The following CHST3 variants were observed in gnomAD, a reference collection of about 807,000 sequenced individuals.
The protein encoded by CHST3 is C6ST-1.
A neutral mutation model predicts 35.4 loss-of-function variants in CHST3; 20 were observed. The observed-to-expected ratio is 0.57, with a 90% CI of 0.40 to 0.82. The LOEUF (loss-of-function observed/expected upper bound fraction) is 0.82, where lower values mean the gene tolerates loss of function less well. Ranked by LOEUF, CHST3 falls within the 40% of genes least tolerant of loss-of-function variation. The pLI is 0.00. For missense variants in CHST3, 693 were observed against 670.1 expected, an observed-to-expected ratio of 1.03 and a Z score of -0.38; for synonymous variants, 334 against 295.9, an observed-to-expected ratio of 1.13 and a Z score of -1.32.
chr10:71,966,196 T>C (rs1006062426), intron 1 of CHST3, among the ~76,000 whole-genome samples: 10 of 151,900 alleles, frequency 6.6e-5, no homozygotes, highest in African/African-American at 9.7e-5. Flanking sequence ...ACATGTAGAA[T>C]TTGGGGGCAG....
chr10:71,998,887 C>T (rs774003838), intron 1 of CHST3, among the ~76,000 whole-genome samples: 10 of 151,338 alleles, frequency 6.6e-5, no homozygotes, highest in African/African-American at 1.7e-4. Flanking sequence ...CCCATAGCCC[C>T]GGGGCTATAC....
chr10:71,994,076 G>T (rs1049952322), intron 1 of CHST3, among the ~76,000 whole-genome samples: 12 of 151,964 alleles, frequency 7.9e-5, no homozygotes, highest in African/African-American at 2.9e-4. Context: ...CTCCAGCCTG[G>T]GTGACAAAGC....
intron 1 of CHST3, among the ~76,000 whole-genome samples, chr10:71,978,585 G>C (rs1839769736): frequency 6.6e-6 from 1 of 152,188 alleles, no homozygotes; most frequent in Non-Finnish European, 1.5e-5. Context: ...TTTACTATGT[G>C]CAAGGCATTG....
intron 1 of CHST3, among the ~76,000 whole-genome samples, chr10:71,982,885 T>G (rs977364180): frequency 3.9e-5 from 6 of 152,260 alleles, no homozygotes; most frequent in African/African-American, 1.2e-4. Context: ...GGCAGTCACC[T>G]GGGCTCACCC....
At chr10:72,000,384 A>G (rs560451807) in intron 1 of CHST3, among the ~76,000 whole-genome samples, 3 of 152,286 alleles carry the variant, frequency 2.0e-5, no homozygotes, top group Non-Finnish European at 4.4e-5. Context: ...CAGCAAGTGC[A>G]TTTCCATCTA....
rs1840120405 is a variant in CHST3, at chr10:72,012,371, A to G, written c.*3900A>G. On this transcript the variant is annotated 3_prime_UTR_variant, in exon 3 of 3. Transcript: ENST00000373115. ...CTAGGGCCTATTGACCGTAGAGGCC[A>G]GGTGCGGTGGCTCATACCTGTAATC... is the stretch of plus-strand genomic sequence containing the variant. The G allele has an allele frequency of 6.6e-6, 1 of 152,346 alleles. No homozygotes were observed. Among genetic ancestry groups the G allele is most frequent in the African/African-American group, 2.4e-5 (1 of 41,464 alleles). The allele number at this position is 152,346 out of a possible 1,614,324, so 9.4% of individuals were successfully genotyped here.
intron 2 of CHST3, among the ~76,000 whole-genome samples, chr10:72,006,332 G>A (rs558196408): frequency 6.6e-6 from 1 of 152,344 alleles, no homozygotes; most frequent in East Asian, 1.9e-4. Flanking sequence ...ATGAGAAAAT[G>A]TAAAAGCATT....
Position 72,007,924 on chromosome 10 carries a change from A to C in CHST3, c.893A>C (p.Gln298Pro), listed in dbSNP as rs1312011289. Residue 298 changes from glutamine (Q) to proline (P), a missense_variant, in exon 3 of 3, where the codon CAG (glutamine) becomes CCG (proline). Gln to Pro is a moderately conservative substitution (Grantham distance 76). Coordinates refer to ENST00000373115, the MANE Select transcript of CHST3 (RefSeq NM_004273.5). Reference sequence around the variant, plus strand: ...CCCCGCCTGGACCTGCGCGTCATCCAGCTGGTGCGCGACCCCCGGGCCGTG... The same window carrying C: ...CCCCGCCTGGACCTGCGCGTCATCCCGCTGGTGCGCGACCCCCGGGCCGTG... Reference protein sequence around the residue: ...EDPRLDLRVIQLVRDPRAVLA... With the variant: ...EDPRLDLRVIPLVRDPRAVLA... The C allele has an allele frequency of 1.3e-6, 2 of 1,555,938 alleles. No individual in the cohort carries two copies. The highest frequency in any genetic ancestry group is 1.4e-5 in the African/African-American group (1 of 73,352).
At chr10:71,969,692 G>A (rs1413062731) in intron 1 of CHST3, among the ~76,000 whole-genome samples, 1 of 152,190 alleles carries the variant, frequency 6.6e-6, no homozygotes. Context: ...ACTGGGTGTG[G>A]GGAGAAGCCA....
At chr10:72,001,254 A>G (rs553389410) in intron 1 of CHST3, among the ~76,000 whole-genome samples, 2 of 152,248 alleles carry the variant, frequency 1.3e-5, no homozygotes, top group East Asian at 3.9e-4. Context: ...GTTTGCTGTC[A>G]ATATGCAGAG....
chr10:72,008,746 G>C lies in CHST3; in HGVS notation c.*275G>C, dbSNP rs968294635. 35 of 435,194 alleles carry C rather than the reference G, an allele frequency of 8.0e-5. No individual in the cohort carries two copies. Among genetic ancestry groups the C allele is most frequent in the African/African-American group, 4.0e-4 (20 of 49,728 alleles). The allele number at this position is 435,194 out of a possible 1,614,324, so 27.0% of individuals were successfully genotyped here. A position where few individuals can be genotyped will look rare whatever the true frequency, so the allele number is the denominator to read the frequency against. On this transcript the variant is annotated 3_prime_UTR_variant, in exon 3 of 3. Coordinates refer to ENST00000373115, the MANE Select transcript of CHST3 (RefSeq NM_004273.5). Reference sequence around the variant, plus strand: ...AGGCCCGGGCCTGTTGGCAAGCTTCGATCTCACACACACAGAAACATACAT... The same window carrying C: ...AGGCCCGGGCCTGTTGGCAAGCTTCCATCTCACACACACAGAAACATACAT...
At position 72,007,475 on chromosome 10, in the gene CHST3, G is replaced by A. The variant is rs900141668; in HGVS notation, c.444G>A (p.Val148=). Residue 148 remains valine, a synonymous_variant, in exon 3 of 3, where the codon GTG becomes GTA. Transcript: ENST00000373115. ...CCACGCGCACCGGCTCCTCGTTCGT[G>A]GGCGAGTTCTTCAACCAGCAGGGCA... ...MATTRTGSSF[V]GEFFNQQGNI... The A allele has an allele frequency of 5.6e-6, 9 of 1,602,242 alleles. No individual in the cohort carries two copies. The African/African-American group carries it at 1.1e-4, about 19-fold the overall frequency.
At chr10:71,971,684 G>T (rs4148917) in intron 1 of CHST3, among the ~76,000 whole-genome samples, 15 of 152,174 alleles carry the variant, frequency 9.9e-5, no homozygotes, top group Middle Eastern at 3.4e-3. Context: ...GGCCACCCCC[G>T]TCCCCGCACT....
intron 1 of CHST3, among the ~76,000 whole-genome samples, chr10:71,967,231 A>G (rs1011018249): frequency 1.3e-5 from 2 of 152,116 alleles, no homozygotes; most frequent in Admixed American, 6.6e-5. Flanking sequence ...AGCTCTAGCG[A>G]TCTGCCTGCC....
rs7072219 is a variant in CHST3, at chr10:72,010,597, A to G, written c.*2126A>G. On this transcript the variant is annotated 3_prime_UTR_variant, in exon 3 of 3. Coordinates refer to ENST00000373115, the MANE Select transcript of CHST3 (RefSeq NM_004273.5). ...AGGTCTCCACTCTTGGGTTTTTTTT[A>G]TTTTCTTTTCTTTTGCTATTTTGCC... 2.2e-4 allele frequency: 33 copies of G among 151,440 alleles called. No homozygotes were observed. The highest frequency in any genetic ancestry group is 6.1e-4 in the African/African-American group (25 of 41,250). The allele number at this position is 151,440 out of a possible 1,614,324, so 9.4% of individuals were successfully genotyped here.
At chr10:71,980,370 A>C (rs970685717) in intron 1 of CHST3, among the ~76,000 whole-genome samples, 7 of 152,228 alleles carry the variant, frequency 4.6e-5, no homozygotes, top group Admixed American at 3.9e-4. Context: ...TGAAAAAAGA[A>C]ACTCATGCTT....
At chr10:71,992,007 A>C (rs1839901080) in intron 1 of CHST3, among the ~76,000 whole-genome samples, 1 of 152,202 alleles carries the variant, frequency 6.6e-6, no homozygotes, top group African/African-American at 2.4e-5. Context: ...AAAAAAGTAC[A>C]TAACTTAAAA....
chr10:71,966,188 A>T (rs533384830), intron 1 of CHST3, among the ~76,000 whole-genome samples: 22 of 152,020 alleles, frequency 1.4e-4, no homozygotes, highest in Non-Finnish European at 2.5e-4. Flanking sequence ...ACATGGGAAC[A>T]TGTAGAATTT....
chr10:71,981,215 T>C (rs1051307086), intron 1 of CHST3, among the ~76,000 whole-genome samples: 14 of 152,238 alleles, frequency 9.2e-5, no homozygotes, highest in Non-Finnish European at 2.1e-4. Context: ...CCGGAAATTT[T>C]CCTGGCATTG....
Sources: allele counts gnomAD v4.1 joint callset (sites outside exome capture counted in the v4.1 genomes callset), GRCh38; gene constraint gnomAD v4.1.1; transcripts MANE v1.5; gene names NCBI Gene and HGNC (gene_info 2026-07-23, HGNC 2026-07-21).